The following RFC3 variants were observed in gnomAD, a reference collection of about 807,000 sequenced individuals.
The protein encoded by RFC3 is A1 38 kDa subunit.
RFC3 carries 41 observed loss-of-function variants against 45.1 expected under a neutral mutation model. That is an observed-to-expected ratio of 0.91 (90% CI 0.71 to 1.18). The LOEUF is 1.18. Ranked by LOEUF, RFC3 falls within the 50% of genes most tolerant of loss-of-function variation. The pLI, the probability that RFC3 is intolerant of heterozygous loss-of-function variation, is 0.00. For synonymous variants in RFC3, 149 were observed against 144.0 expected (o/e 1.03, Z -0.25); for missense variants, 423 against 428.1 (o/e 0.99, Z 0.10).
At chr13:33,829,587 T>A (rs569282121) in intron 4 of RFC3, 5 of 450,040 alleles carry the variant, frequency 1.1e-5, no homozygotes, top group Non-Finnish European at 2.0e-5. Context: ...GAGCTGTTCC[T>A]CTCTATAGAA....
intron 8 of RFC3, among the ~76,000 whole-genome samples, chr13:33,939,486 G>A (rs376937404): frequency 1.3e-5 from 2 of 152,132 alleles, no homozygotes; most frequent in Admixed American, 6.6e-5. Context: ...TGACTCCCTC[G>A]CTCTGTATCT....
chr13:33,959,336 A>G (rs1008959482), intron 8 of RFC3, among the ~76,000 whole-genome samples: 1 of 152,132 alleles, frequency 6.6e-6, no homozygotes, highest in African/African-American at 2.4e-5. Flanking sequence ...CTCTTTGCAA[A>G]TGGTTACCTC....
At chr13:33,903,918 G>T (rs2082656504) in intron 8 of RFC3, among the ~76,000 whole-genome samples, 2 of 151,990 alleles carry the variant, frequency 1.3e-5, no homozygotes, top group Admixed American at 6.6e-5. Context: ...ATTATGCAAA[G>T]AAATAGGTAT....
intron 8 of RFC3, among the ~76,000 whole-genome samples, chr13:33,924,313 A>G (rs2082788285): frequency 6.6e-6 from 1 of 152,038 alleles, no homozygotes; most frequent in African/African-American, 2.4e-5. Flanking sequence ...AAGAAGATTC[A>G]GGTATAATCT....
intron 8 of RFC3, among the ~76,000 whole-genome samples, chr13:33,835,628 A>G (rs1027102318): frequency 1.3e-5 from 2 of 152,162 alleles, no homozygotes; most frequent in African/African-American, 2.4e-5. Flanking sequence ...GTACGTGTAT[A>G]TATGTGGTTT....
At chr13:33,875,750 T>TG (rs573113333) in intron 8 of RFC3, among the ~76,000 whole-genome samples, 197 of 152,232 alleles carry the variant, frequency 1.3e-3, no homozygotes, top group African/African-American at 4.5e-3. Context: ...GAGCCTCTCC[T>TG]GGGGGTGCCG....
chr13:33,917,910 G>T (rs1428022883), intron 8 of RFC3, among the ~76,000 whole-genome samples: 4 of 152,018 alleles, frequency 2.6e-5, no homozygotes, highest in Non-Finnish European at 5.9e-5. Flanking sequence ...CAGTAAGGGG[G>T]TGTCAGAGAT....
At chr13:33,876,049 C>T (rs1298686591) in intron 8 of RFC3, among the ~76,000 whole-genome samples, 6 of 152,206 alleles carry the variant, frequency 3.9e-5, no homozygotes, top group African/African-American at 1.4e-4. Flanking sequence ...TCCTGGATTG[C>T]AGCTTCTTAA....
chr13:33,818,930 G>C (rs1245482811), intron 1 of RFC3, among the ~76,000 whole-genome samples: 1 of 126,208 alleles, frequency 7.9e-6, no homozygotes, highest in Non-Finnish European at 1.6e-5. Context: ...AGCTGTTGTC[G>C]CCCAGGCTGG....
chr13:33,942,185 T>C (rs1038231777), intron 8 of RFC3, among the ~76,000 whole-genome samples: 1 of 152,168 alleles, frequency 6.6e-6, no homozygotes, highest in South Asian at 2.1e-4. Context: ...CTGTATCCTA[T>C]TTTATATTCT....
intron 8 of RFC3, among the ~76,000 whole-genome samples, chr13:33,929,269 TTGA>T (rs2082836735): frequency 6.6e-6 from 1 of 152,084 alleles, no homozygotes; most frequent in Non-Finnish European, 1.5e-5. Flanking sequence ...GCCAGAGTAG[TTGA>T]TGTATCTTCT....
intron 8 of RFC3, among the ~76,000 whole-genome samples, chr13:33,936,583 G>A (rs1010960384): frequency 9.2e-5 from 14 of 152,122 alleles, no homozygotes; most frequent in African/African-American, 3.4e-4. Flanking sequence ...AGGGAAAACA[G>A]CACGTGAGGA....
At chr13:33,969,910 GTT>G (rs61104193), downstream of RFC3, among the ~76,000 whole-genome samples, 15 of 130,270 alleles carry the variant, frequency 1.2e-4, no homozygotes, top group African/African-American at 1.4e-4. Context: ...TGTCAGATTT[GTT>G]TTTTTTTTTT....
At chr13:33,965,500 C>T (rs2083082241) in intron 8 of RFC3, among the ~76,000 whole-genome samples, 1 of 152,168 alleles carries the variant, frequency 6.6e-6, no homozygotes, top group Non-Finnish European at 1.5e-5. Flanking sequence ...AGAAAGTTCA[C>T]ACAAGGACAA....
At chr13:33,943,913 A>G (rs558828720) in intron 8 of RFC3, among the ~76,000 whole-genome samples, 29 of 152,312 alleles carry the variant, frequency 1.9e-4, no homozygotes, top group African/African-American at 5.5e-4. Context: ...GGAGGTAAAC[A>G]TACAAGGGCA....
chr13:33,889,318 A>AT, intron 8 of RFC3, among the ~76,000 whole-genome samples: 1 of 152,256 alleles, frequency 6.6e-6, no homozygotes, highest in Admixed American at 6.5e-5. Flanking sequence ...CTTTAGTAAG[A>AT]TTTTTTAGCT....
intron 8 of RFC3, among the ~76,000 whole-genome samples, chr13:33,857,130 A>G (rs551015531): frequency 7.5e-4 from 115 of 152,338 alleles, no homozygotes; most frequent in African/African-American, 2.3e-3. Context: ...CTTTAGACAT[A>G]AATTTATTCC....
At chr13:33,910,411 A>G (rs2082696955) in intron 8 of RFC3, among the ~76,000 whole-genome samples, 1 of 152,152 alleles carries the variant, frequency 6.6e-6, no homozygotes, top group Non-Finnish European at 1.5e-5. Flanking sequence ...TGCTTGGCAC[A>G]TAGTAAGCAC....
intron 8 of RFC3, among the ~76,000 whole-genome samples, chr13:33,872,019 C>G: frequency 6.6e-6 from 1 of 152,146 alleles, no homozygotes; most frequent in East Asian, 1.9e-4. Context: ...ATTTTATTAA[C>G]GTTCAGACAG....
Sources: allele counts gnomAD v4.1 joint callset (sites outside exome capture counted in the v4.1 genomes callset), GRCh38; gene constraint gnomAD v4.1.1; transcripts MANE v1.5; gene names NCBI Gene and HGNC (gene_info 2026-07-23, HGNC 2026-07-21).